The following LDB3 variants were observed in gnomAD, a reference collection of about 807,000 sequenced individuals.
LDB3 encodes LIM domain-binding protein 3.
Under a neutral mutation model 69.0 loss-of-function variants are expected in LDB3, and 49 were observed. That is an observed-to-expected ratio of 0.71 (90% CI 0.56 to 0.90). The LOEUF is 0.90. LDB3 is among the 40% of genes least tolerant of loss of function. The probability of loss-of-function intolerance (pLI) is 0.00; values close to 1 mark genes in which losing one functional copy is unlikely to be tolerated. For missense variants in LDB3, 928 were observed against 974.1 expected (o/e 0.95, Z 0.63); for synonymous variants, 387 against 396.2 (o/e 0.98, Z 0.28).
intron 12 of LDB3, among the ~76,000 whole-genome samples, chr10:86,720,139 T>G (rs565533185): frequency 1.3e-4 from 20 of 152,360 alleles, no homozygotes; most frequent in African/African-American, 4.3e-4. Flanking sequence ...TTCCCCTGAC[T>G]GTAAATTAGA....
chr10:86,694,675 G>A (rs7085298), intron 7 of LDB3, among the ~76,000 whole-genome samples: 9,141 of 152,294 alleles, frequency 0.06, 861 homozygotes, highest in African/African-American at 0.2. Flanking sequence ...GTGATCCCAT[G>A]GACCCAGAGG....
chr10:86,693,413 G>A (rs1198579218), intron 7 of LDB3, among the ~76,000 whole-genome samples: 1 of 152,216 alleles, frequency 6.6e-6, no homozygotes, highest in Non-Finnish European at 1.5e-5. Flanking sequence ...CAAGGGGCTG[G>A]GGCTCAGAGG....
At chr10:86,681,226 G>T (rs1221164577) in intron 4 of LDB3, among the ~76,000 whole-genome samples, 1 of 152,264 alleles carries the variant, frequency 6.6e-6, no homozygotes, top group South Asian at 2.1e-4. Flanking sequence ...TGCCCAGCTG[G>T]ATGCCAGCCT....
chr10:86,705,937 C>T (rs1369981009), intron 7 of LDB3, among the ~76,000 whole-genome samples: 2 of 152,168 alleles, frequency 1.3e-5, no homozygotes, highest in Non-Finnish European at 2.9e-5. Flanking sequence ...CTTGAATCCC[C>T]TTGCCACAGT....
chr10:86,721,291 T>G (rs1847078037), intron 12 of LDB3, among the ~76,000 whole-genome samples: 1 of 152,234 alleles, frequency 6.6e-6, no homozygotes, highest in Non-Finnish European at 1.5e-5. Flanking sequence ...AGGTGAAACT[T>G]CATTTTTACG....
Position 86,699,811 on chromosome 10 carries a change from G to A in LDB3, c.897-6720G>A. Reference sequence around the variant, plus strand: ...CCGTAGATCAGGGTCTGGGGAAGAGGCTGATCCCTGGCGCTGCCCGGCTCC... The same window carrying A: ...CCGTAGATCAGGGTCTGGGGAAGAGACTGATCCCTGGCGCTGCCCGGCTCC... On this transcript the variant is annotated intron_variant, in intron 7 of 13. Coordinates refer to ENST00000361373, the MANE Select transcript of LDB3 (RefSeq NM_007078.3). The surrounding 1 kb of genome is among the most constrained non-coding windows in gnomAD (Gnocchi z 4.9). The A allele has an allele frequency of 3.9e-6, 4 of 1,030,342 alleles. No individual in the cohort carries two copies. The highest frequency in any genetic ancestry group is 4.7e-6 in the Non-Finnish European group (4 of 857,030). The allele number at this position is 1,030,342 out of a possible 1,614,324, so 63.8% of individuals were successfully genotyped here. A position where few individuals can be genotyped will look rare whatever the true frequency, so the allele number is the denominator to read the frequency against.
intron 5 of LDB3, among the ~76,000 whole-genome samples, chr10:86,682,465 C>T (rs554093133): frequency 6.6e-6 from 1 of 152,180 alleles, no homozygotes; most frequent in South Asian, 2.1e-4. Context: ...TGGCGGGACT[C>T]TGGGAGCACA....
chr10:86,731,277 T>G (rs1193697090), intron 13 of LDB3, among the ~76,000 whole-genome samples: 5 of 142,394 alleles, frequency 3.5e-5, no homozygotes, highest in East Asian at 2.2e-4. Context: ...CAGGCTTGGG[T>G]ACAGTGGCAT....
chr10:86,732,396 G>T, intron 13 of LDB3: 1 of 390,402 alleles, frequency 2.6e-6, no homozygotes, highest in South Asian at 1.9e-5. Flanking sequence ...AGGAATCTTA[G>T]TTTTTATATA....
chr10:86,666,968 G>A (rs1344721057), upstream of LDB3: 1 of 415,768 alleles, frequency 2.4e-6, no homozygotes, highest in Non-Finnish European at 5.0e-6. Flanking sequence ...CCTAGGAAAG[G>A]GCATAAGGCT....
chr10:86,719,408 T>G (rs114926368), intron 12 of LDB3, among the ~76,000 whole-genome samples: 2,264 of 148,138 alleles, frequency 0.015, 49 homozygotes, highest in African/African-American at 0.054. Context: ...AAAAAAAAAA[T>G]GTAGATCACA....
chr10:86,669,847 C>T (rs530316929), intron 2 of LDB3, among the ~76,000 whole-genome samples: 3 of 152,318 alleles, frequency 2.0e-5, no homozygotes, highest in Admixed American at 1.3e-4. Context: ...GGCTACTGCC[C>T]ACCAGGGGAA....
At position 86,731,010 on chromosome 10, in the gene LDB3, C is replaced by CT. The variant is rs1445141056; in HGVS notation, c.2095-1876dup. ...TCTACTAAACTACAAAAAAAATTAG[C>CT]TGAGTATGGTGGTGGGCGCCTGTAA... On this transcript the variant is annotated intron_variant, in intron 13 of 13. Transcript: ENST00000361373. Among the ~76,000 whole-genome samples the CT allele has an allele frequency of 3.3e-5, 5 of 151,624 alleles. 1 individual carries two copies. The highest frequency in any genetic ancestry group is 1.2e-4 in the African/African-American group (5 of 41,306).
chr10:86,683,835 C>T (rs1231220791), intron 5 of LDB3, among the ~76,000 whole-genome samples: 1 of 152,242 alleles, frequency 6.6e-6, no homozygotes, highest in Non-Finnish European at 1.5e-5. Context: ...ATCCATGGCA[C>T]ACTTCTCCCA....
intron 5 of LDB3, chr10:86,685,551 C>T (rs1048989708): frequency 3.4e-5 from 30 of 880,610 alleles, no homozygotes; most frequent in Non-Finnish European, 5.2e-5. Context: ...TTGCTCTCCT[C>T]ACCCATTGCG....
rs1281869423 is a variant in LDB3 at position 86,725,989 on chromosome 10, C to T, written c.1979-148C>T. 7.5e-5 allele frequency: 51 copies of T among 675,736 alleles called. No homozygotes were observed. In the Admixed American group the frequency reaches 1.1e-3, roughly 14 times the overall value. The allele number at this position is 675,736 out of a possible 1,614,324, so 41.9% of individuals were successfully genotyped here. On this transcript the variant is annotated intron_variant, in intron 12 of 13. Coordinates refer to ENST00000361373, the MANE Select transcript of LDB3 (RefSeq NM_007078.3). ...GATTGGAAAATGGAAAACTATCAGT[C>T]ATGTAACTGAGTATTTCATCTGTGA...
chr10:86,681,707 C>G lies in LDB3; in HGVS notation c.593C>G (p.Pro198Arg). The G allele has an allele frequency of 6.2e-7, 1 of 1,613,494 alleles. No individual in the cohort carries two copies. The highest frequency in any genetic ancestry group is 8.5e-7 in the Non-Finnish European group (1 of 1,179,796). Residue 198 changes from proline to arginine, a missense_variant, in exon 5 of 14, where the codon CCC becomes CGC. Pro to Arg is a moderately radical substitution (Grantham distance 103). Transcript: ENST00000361373. ...AGCCAGCCGAGGCAATATAACAACCCCATTGGCCTGTACTCGGCAGAGACC... is the reference window on the plus strand; with the variant it reads ...AGCCAGCCGAGGCAATATAACAACCGCATTGGCCTGTACTCGGCAGAGACC... ...GSSQPRQYNN[P>R]IGLYSAETLR...
At chr10:86,731,505 G>A (rs1310651593) in intron 13 of LDB3, among the ~76,000 whole-genome samples, 1 of 152,036 alleles carries the variant, frequency 6.6e-6, no homozygotes, top group Admixed American at 6.5e-5. Context: ...TTGCAGGCGT[G>A]AGCCACCATG....
Position 86,716,333 on chromosome 10 carries a change from C to T in LDB3, c.1238C>T (p.Ala413Val). The T allele has an allele frequency of 6.2e-7, 1 of 1,611,614 alleles. No homozygotes were observed. Among genetic ancestry groups the T allele is most frequent in the Non-Finnish European group, 8.5e-7 (1 of 1,179,898 alleles). ...IRPSVYQPVP[A>V]STYSPSPGAN... ...TTTTTTTTGGCTTTTGCAGTGCCTGCATCTACCTACAGCCCGTCCCCAGGG... is the reference window on the plus strand; with the variant it reads ...TTTTTTTTGGCTTTTGCAGTGCCTGTATCTACCTACAGCCCGTCCCCAGGG... The change falls in exon 10 of 14, where the codon GCA becomes GTA. Residue 413 changes from alanine to valine, a missense_variant. Transcript: ENST00000361373.
Sources: gnomAD v4.1 joint callset for allele counts (sites outside exome capture counted in the v4.1 genomes callset) on GRCh38, gnomAD v4.1.1 for gene constraint, Gnocchi (gnomAD v3.1) non-coding constraint, MANE v1.5 for transcripts, NCBI Gene and HGNC (gene_info 2026-07-23, HGNC 2026-07-21) for gene names.